SPAG16: variants seen among roughly 807,000 people sequenced by gnomAD.
The protein encoded by SPAG16 is sperm-associated antigen 16 protein.
In SPAG16, 86 loss-of-function variants were observed where a neutral mutation model predicts 80.4. The observed-to-expected ratio is 1.07, with a 90% CI of 0.90 to 1.28. The LOEUF (loss-of-function observed/expected upper bound fraction) is 1.28, where lower values mean the gene tolerates loss of function less well. Among genes scored for constraint, SPAG16 ranks in the 50% most tolerant of loss-of-function variants. The pLI is 0.00. For synonymous variants in SPAG16, 294 were observed against 265.9 expected (o/e 1.11, Z -1.03); for missense variants, 870 against 765.3 (o/e 1.14, Z -1.61).
chr2:214,036,947 TTTA>T (rs2048730132), intron 13 of SPAG16, among the ~76,000 whole-genome samples: 1 of 152,088 alleles, frequency 6.6e-6, no homozygotes, highest in African/African-American at 2.4e-5. Context: ...TCCTTTTTGT[TTTA>T]TTATTTTCTT....
At chr2:214,252,563 G>A (rs560345130) in intron 15 of SPAG16, among the ~76,000 whole-genome samples, 1 of 150,870 alleles carries the variant, frequency 6.6e-6, no homozygotes, top group African/African-American at 2.4e-5. Context: ...TTCTGTTCTT[G>A]TGTTCGTTTG....
chr2:214,118,089 A>T (rs964690409), intron 14 of SPAG16, among the ~76,000 whole-genome samples: 1 of 152,222 alleles, frequency 6.6e-6, no homozygotes, highest in Admixed American at 6.6e-5. Flanking sequence ...ATATGATCTT[A>T]TATAGAGAAA....
intron 14 of SPAG16, among the ~76,000 whole-genome samples, chr2:214,144,464 A>G (rs896351842): frequency 2.0e-5 from 3 of 152,178 alleles, no homozygotes; most frequent in Non-Finnish European, 2.9e-5. Context: ...TATTTATCTA[A>G]GATATTCATA....
chr2:214,360,971 A>G (rs2126069569), intron 15 of SPAG16, among the ~76,000 whole-genome samples: 1 of 151,986 alleles, frequency 6.6e-6, no homozygotes, highest in African/African-American at 2.4e-5. Flanking sequence ...ACAGCCTGGG[A>G]CAAGGTTCAT....
chr2:213,993,592 C>G (rs2046380428), intron 12 of SPAG16, among the ~76,000 whole-genome samples: 3 of 152,132 alleles, frequency 2.0e-5, no homozygotes. Flanking sequence ...GGAAGAAATA[C>G]TGACTCCATA....
At chr2:213,292,188 C>G (rs1296035011) in intron 1 of SPAG16, among the ~76,000 whole-genome samples, 1 of 152,106 alleles carries the variant, frequency 6.6e-6, no homozygotes, top group Non-Finnish European at 1.5e-5. Flanking sequence ...AGAGTATTTA[C>G]TTCTTTTTGA....
At chr2:213,488,957 C>T (rs1490909187) in intron 9 of SPAG16, among the ~76,000 whole-genome samples, 1 of 151,506 alleles carries the variant, frequency 6.6e-6, no homozygotes, top group African/African-American at 2.4e-5. Flanking sequence ...CGCCTGTAGT[C>T]CCAGCTACGC....
In SPAG16 at chr2:213,398,602, T is replaced by G. The variant is rs372962291; in HGVS notation, c.942+23483T>G. 9.2e-5 allele frequency among the ~76,000 whole-genome samples: 14 copies of G among 152,296 alleles called. 1 individual carries two copies. The East Asian group carries it at 2.5e-3, about 27-fold the overall frequency. ...TCAGATGGCTCATCTCTCACTTTAT[T>G]TAAAGCTTTACTCAAATGTTCCCTT... On this transcript the variant is annotated intron_variant, in intron 9 of 15. Coordinates refer to ENST00000331683, the MANE Select transcript of SPAG16 (RefSeq NM_024532.5).
At chr2:213,885,522 G>A (rs901680947) in intron 11 of SPAG16, among the ~76,000 whole-genome samples, 1 of 152,156 alleles carries the variant, frequency 6.6e-6, no homozygotes, top group African/African-American at 2.4e-5. Context: ...ATTAGTTACA[G>A]TTGGTGTTCT....
In SPAG16 at chr2:213,819,955, T is replaced by G. The variant is rs1279773018; in HGVS notation, c.1071-42530T>G. ...TAATTTTTCGTGTTTTTTTTTTTTT[T>G]TTTAGTAGAGACGGGTTTTGCCATG... On this transcript the variant is annotated intron_variant, in intron 10 of 15. Transcript: ENST00000331683. Among the ~76,000 whole-genome samples the G allele has an allele frequency of 2.6e-5, 4 of 151,438 alleles. No individual in the cohort carries two copies. The East Asian group carries it at 5.8e-4, about 22-fold the overall frequency.
intron 10 of SPAG16, among the ~76,000 whole-genome samples, chr2:213,628,039 C>T (rs2062021195): frequency 6.6e-6 from 1 of 152,174 alleles, no homozygotes; most frequent in South Asian, 2.1e-4. Flanking sequence ...TTAGCATTGC[C>T]TCACCCATAT....
intron 15 of SPAG16, among the ~76,000 whole-genome samples, chr2:214,178,462 C>T (rs1043691776): frequency 7.3e-5 from 11 of 151,154 alleles, no homozygotes; most frequent in Non-Finnish European, 1.6e-4. Context: ...GCTGAGGAAA[C>T]ATCTGGATGT....
At chr2:214,294,422 T>C (rs971151527) in intron 15 of SPAG16, among the ~76,000 whole-genome samples, 3 of 152,238 alleles carry the variant, frequency 2.0e-5, no homozygotes, top group African/African-American at 7.2e-5. Context: ...TGTTCTCTTA[T>C]AGATGACTCA....
At chr2:214,342,831 G>A (rs10204463) in intron 15 of SPAG16, among the ~76,000 whole-genome samples, 118 of 152,174 alleles carry the variant, frequency 7.8e-4, no homozygotes, top group African/African-American at 1.7e-3. Flanking sequence ...ATATTTATAC[G>A]TTCATAACAT....
intron 10 of SPAG16, among the ~76,000 whole-genome samples, chr2:213,817,570 A>T (rs1416624523): frequency 6.6e-6 from 1 of 152,154 alleles, no homozygotes; most frequent in Non-Finnish European, 1.5e-5. Context: ...TAGGAAAGAC[A>T]TAGAATCAAC....
chr2:214,255,643 G>A (rs764711979), intron 15 of SPAG16, among the ~76,000 whole-genome samples: 14 of 151,790 alleles, frequency 9.2e-5, no homozygotes, highest in African/African-American at 2.9e-4. Context: ...TTGTTCTCTC[G>A]TGCCCCTTTT....
rs573453367 is a variant in SPAG16 at position 213,756,100 on chromosome 2, A to G, written c.1071-106385A>G. 1.2e-4 allele frequency among the ~76,000 whole-genome samples: 19 copies of G among 152,336 alleles called. 1 individual carries two copies. The South Asian group carries it at 3.9e-3, about 32-fold the overall frequency. ...TCAGATATCAGTCAGAGTGAACATA[A>G]CAAATCAAAGTAGTGTCCTTCCACA... On this transcript the variant is annotated intron_variant, in intron 10 of 15. Transcript: ENST00000331683.
At chr2:213,550,079 G>A (rs959140571) in intron 10 of SPAG16, among the ~76,000 whole-genome samples, 16 of 151,976 alleles carry the variant, frequency 1.1e-4, no homozygotes, top group Non-Finnish European at 2.2e-4. Flanking sequence ...ACCTTTATGA[G>A]TTTGGGTGTG....
chr2:213,942,042 T>C (rs892323288), intron 12 of SPAG16, among the ~76,000 whole-genome samples: 3 of 152,186 alleles, frequency 2.0e-5, no homozygotes, highest in African/African-American at 7.2e-5. Flanking sequence ...TACACCATTT[T>C]TTTTGCCCTT....
Sources: gnomAD v4.1 joint callset for allele counts (sites outside exome capture counted in the v4.1 genomes callset) on GRCh38, gnomAD v4.1.1 for gene constraint, MANE v1.5 for transcripts, NCBI Gene and HGNC (gene_info 2026-07-23, HGNC 2026-07-21) for gene names.